HERC1: variants seen among roughly 807,000 people sequenced by gnomAD.
HERC1 encodes the protein probable E3 ubiquitin-protein ligase HERC1.
Under a neutral mutation model 554.3 loss-of-function variants are expected in HERC1, and 160 were observed. The ratio of observed to expected loss-of-function variants is 0.29; its 90% CI spans 0.25 to 0.33. The LOEUF (loss-of-function observed/expected upper bound fraction) is 0.33, where lower values mean the gene tolerates loss of function less well. Among genes scored for constraint, HERC1 ranks in the 10% least tolerant of loss-of-function variants. The pLI is 1.00. For synonymous variants in HERC1, 2,175 were observed against 2,131.7 expected (o/e 1.02, Z -0.56); for missense variants, 4,919 against 5,918.5 (o/e 0.83, Z 5.54).
At chr15:63,662,963 C>G in intron 44 of HERC1, 21 bp downstream of exon 44, 1 of 1,582,924 alleles carries the variant, frequency 6.3e-7, no homozygotes, top group African/African-American at 1.3e-5. Flanking sequence ...TCAGAGCAGC[C>G]CCCGCTGCAG....
Position 63,680,443 on chromosome 15 carries a change from AT to A in HERC1, c.6465+93del. The A allele has an allele frequency of 7.7e-7, 1 of 1,291,618 alleles. No individual in the cohort carries two copies. Among genetic ancestry groups the A allele is most frequent in the Non-Finnish European group, 1.1e-6 (1 of 946,484 alleles). The allele number at this position is 1,291,618 out of a possible 1,614,324, so 80.0% of individuals were successfully genotyped here. A position where few individuals can be genotyped will look rare whatever the true frequency, so the allele number is the denominator to read the frequency against. ...TTAGAGAGAAAGGAGAGACGAGCAG[AT>A]AATCTATAAACTGAATACGTGGCAC... is the stretch of plus-strand genomic sequence containing the variant. On this transcript the variant is annotated intron_variant, in intron 35 of 77. Transcript: ENST00000443617. The surrounding 1 kb of genome is among the most constrained non-coding windows in gnomAD (Gnocchi z 5.8).
chr15:63,721,035 T>C (rs1291930282), intron 19 of HERC1, among the ~76,000 whole-genome samples: 1 of 152,152 alleles, frequency 6.6e-6, no homozygotes, highest in Non-Finnish European at 1.5e-5. Context: ...ACCTTATATC[T>C]AGTTTTTTTT....
chr15:63,786,089 A>T (rs1208390795), intron 1 of HERC1, among the ~76,000 whole-genome samples: 3 of 152,078 alleles, frequency 2.0e-5, no homozygotes, highest in African/African-American at 7.2e-5. Flanking sequence ...AAGGTACTCA[A>T]TATTATAAAT....
chr15:63,732,604 G>A (rs906665178), intron 14 of HERC1, among the ~76,000 whole-genome samples: 3 of 152,184 alleles, frequency 2.0e-5, no homozygotes, highest in African/African-American at 7.2e-5. Flanking sequence ...CAAGTACATT[G>A]TTTCATTATA....
intron 1 of HERC1, among the ~76,000 whole-genome samples, chr15:63,786,310 T>C (rs973323326): frequency 2.1e-5 from 3 of 144,218 alleles, no homozygotes; most frequent in Admixed American, 6.9e-5. Context: ...AGAAGAAGAA[T>C]CGAAAGACAG....
chr15:63,769,929 T>A (rs2075898112), intron 2 of HERC1, among the ~76,000 whole-genome samples: 1 of 152,188 alleles, frequency 6.6e-6, no homozygotes, highest in South Asian at 2.1e-4. Flanking sequence ...CCATACTAAA[T>A]GACAATTTTT....
In HERC1 at chr15:63,718,966, C is replaced by T; in HGVS notation, c.3743-69G>A. The T allele has an allele frequency of 9.7e-7, 1 of 1,028,658 alleles. No individual in the cohort carries two copies. 63.7% of individuals were successfully genotyped at this position (1,028,658 alleles called of 1,614,324 possible). Reference sequence around the variant, plus strand: ...AACAGTTCAGAGGTAATTTTTATAGCTTTAGTCATCCAACACCTGAATTTT... The same window carrying T: ...AACAGTTCAGAGGTAATTTTTATAGTTTTAGTCATCCAACACCTGAATTTT... On this transcript the variant is annotated intron_variant, in intron 19 of 77. Transcript: ENST00000443617. This position sits in a 1 kb window ranked among gnomAD's most constrained non-coding sequence, Gnocchi z 4.2.
chr15:63,768,801 G>A (rs968208355), intron 2 of HERC1, among the ~76,000 whole-genome samples: 2 of 152,160 alleles, frequency 1.3e-5, no homozygotes, highest in African/African-American at 4.8e-5. Flanking sequence ...CCTGAGATGG[G>A]AATGATGCCC....
intron 2 of HERC1, among the ~76,000 whole-genome samples, chr15:63,770,306 C>T (rs1250787719): frequency 6.6e-6 from 1 of 152,168 alleles, no homozygotes; most frequent in Non-Finnish European, 1.5e-5. Context: ...GGTCCCTTTG[C>T]CTCCCGCCCT....
intron 2 of HERC1, among the ~76,000 whole-genome samples, chr15:63,772,585 G>A (rs1316767680): frequency 1.3e-5 from 2 of 151,630 alleles, no homozygotes; most frequent in Non-Finnish European, 2.9e-5. Flanking sequence ...ATAAGAGGAT[G>A]TTACCAGAAA....
chr15:63,707,043 T>TA (rs2073042609), intron 24 of HERC1, among the ~76,000 whole-genome samples: 1 of 152,190 alleles, frequency 6.6e-6, no homozygotes, highest in African/African-American at 2.4e-5. Context: ...AAACACTAAC[T>TA]AAAAAACTCA....
chr15:63,810,893 C>A lies in HERC1; in HGVS notation c.-27+22934G>T, dbSNP rs79883717. On this transcript the variant is annotated intron_variant, in intron 1 of 77. Coordinates refer to ENST00000443617, the MANE Select transcript of HERC1 (RefSeq NM_003922.4). ...AGGTGATTTAAGGAGTACATAACAT[C>A]ACCTACATAGTGTTAATGCAGCAAA... Among the ~76,000 whole-genome samples the A allele has an allele frequency of 5.2e-3, 798 of 152,228 alleles. 9 individuals carry two copies. Among genetic ancestry groups the A allele is most frequent in the African/African-American group, 0.019 (769 of 41,542 alleles).
Position 63,755,209 on chromosome 15 carries a change from A to C in HERC1, c.1630+20T>G. On this transcript the variant is annotated intron_variant, in intron 6 of 77. Transcript: ENST00000443617. Reference sequence around the variant, plus strand: ...TTCTAATTTTCTAGAAGAATAACTTACATTTTTAAAAAATCTTACCTAATC... The same window carrying C: ...TTCTAATTTTCTAGAAGAATAACTTCCATTTTTAAAAAATCTTACCTAATC... 1.3e-6 allele frequency: 2 copies of C among 1,528,486 alleles called. No individual in the cohort carries two copies. The highest frequency in any genetic ancestry group is 1.8e-6 in the Non-Finnish European group (2 of 1,103,348). The allele number at this position is 1,528,486 out of a possible 1,614,324, so 94.7% of individuals were successfully genotyped here.
At chr15:63,794,701 C>A (rs956555710) in intron 1 of HERC1, among the ~76,000 whole-genome samples, 1 of 152,066 alleles carries the variant, frequency 6.6e-6, no homozygotes, top group African/African-American at 2.4e-5. Context: ...GGGACTCTAG[C>A]AGGAGATGCC....
At position 63,789,111 on chromosome 15, in the gene HERC1, G is replaced by A. The variant is rs866071909; in HGVS notation, c.-26-13462C>T. Among the ~76,000 whole-genome samples, 474 of 80,394 alleles carry A rather than the reference G, an allele frequency of 5.9e-3. 5 individuals carry two copies. Among genetic ancestry groups the A allele is most frequent in the African/African-American group, 0.024 (457 of 19,226 alleles). 52.7% of individuals were successfully genotyped at this position (80,394 alleles called of 152,430 possible). A position where few individuals can be genotyped will look rare whatever the true frequency, so the allele number is the denominator to read the frequency against. On this transcript the variant is annotated intron_variant, in intron 1 of 77. Transcript: ENST00000443617. The stretch of plus-strand genomic sequence containing the variant: ...TTTTTTTTTTTTTTTTTTTTTTTGA[G>A]ACGGAGTCTCGCTCTGTCGCCCAGG...
intron 25 of HERC1, among the ~76,000 whole-genome samples, chr15:63,704,297 G>A (rs184175645): frequency 1.3e-5 from 2 of 152,298 alleles, no homozygotes; most frequent in South Asian, 2.1e-4. Context: ...TAGTTGGAAA[G>A]ATGAAGATTC....
intron 1 of HERC1, among the ~76,000 whole-genome samples, chr15:63,811,158 G>A (rs1042410300): frequency 4.6e-5 from 7 of 152,192 alleles, no homozygotes; most frequent in African/African-American, 1.7e-4. Flanking sequence ...AAACAAGAAA[G>A]ATTTAAACAC....
At chr15:63,628,592 A>G (rs2068409176) in intron 70 of HERC1, 85 bp downstream of exon 70, 1 of 1,358,888 alleles carries the variant, frequency 7.4e-7, no homozygotes, top group Non-Finnish European at 9.9e-7. Flanking sequence ...GATGCTGGAT[A>G]CAGTTGGGAA....
chr15:63,615,514 G>T (rs1213961660), intron 76 of HERC1, among the ~76,000 whole-genome samples: 1 of 152,226 alleles, frequency 6.6e-6, no homozygotes, highest in Non-Finnish European at 1.5e-5. Context: ...GGAGGCTGAG[G>T]CCAGAGAATC....
Sources: gnomAD v4.1 joint callset for allele counts (sites outside exome capture counted in the v4.1 genomes callset) on GRCh38, gnomAD v4.1.1 for gene constraint, Gnocchi (gnomAD v3.1) non-coding constraint, MANE v1.5 for transcripts, NCBI Gene and HGNC (gene_info 2026-07-23, HGNC 2026-07-21) for gene names.